The following NUDT7 variants were observed in gnomAD, a reference collection of about 807,000 sequenced individuals.
The protein encoded by NUDT7 is peroxisomal coenzyme A diphosphatase NUDT7.
In NUDT7, 19 loss-of-function variants were observed where a neutral mutation model predicts 13.1. The observed-to-expected ratio is 1.45, with a 90% confidence interval of 1.01 to 2.13. NUDT7 has a LOEUF of 2.13. Among genes scored for constraint, NUDT7 ranks in the 30% most tolerant of loss-of-function variants. The pLI, the probability that NUDT7 is intolerant of heterozygous loss-of-function variation, is 0.00. For synonymous variants in NUDT7, 132 were observed against 109.7 expected (o/e 1.20, Z -1.27); for missense variants, 360 against 291.7 (o/e 1.23, Z -1.71).
intron 1 of NUDT7, 71 bp downstream of exon 1, chr16:77,722,688 G>T: frequency 6.9e-7 from 1 of 1,454,368 alleles, no homozygotes; most frequent in Non-Finnish European, 9.4e-7. Flanking sequence ...GAGGCCACCG[G>T]GGCCTTTTGG....
chr16:77,739,549 G>T (rs2014592917), intron 3 of NUDT7, among the ~76,000 whole-genome samples: 1 of 152,122 alleles, frequency 6.6e-6, no homozygotes, highest in Admixed American at 6.5e-5. Context: ...TCTTGGTTTT[G>T]GTGCGTTTTG....
At chr16:77,735,530 C>A in intron 2 of NUDT7, 1 of 555,304 alleles carries the variant, frequency 1.8e-6, no homozygotes, top group Non-Finnish European at 3.2e-6. Flanking sequence ...AACCTCTTTT[C>A]TTTATAAACT....
chr16:77,724,601 T>C (rs2014069550), intron 1 of NUDT7, among the ~76,000 whole-genome samples: 1 of 152,246 alleles, frequency 6.6e-6, no homozygotes, highest in African/African-American at 2.4e-5. Context: ...ACAACAGTCA[T>C]TGGATTTAGA....
At chr16:77,736,669 T>G (rs1384709482) in intron 3 of NUDT7, 1 of 289,392 alleles carries the variant, frequency 3.5e-6, no homozygotes, top group African/African-American at 2.2e-5. Context: ...TCTCGCTATG[T>G]TGATGAGGCT....
chr16:77,740,999 T>C (rs375920788), intron 3 of NUDT7, among the ~76,000 whole-genome samples: 129 of 152,336 alleles, frequency 8.5e-4, no homozygotes, highest in African/African-American at 2.9e-3. Flanking sequence ...AATTTTTCCA[T>C]AAATGGGAAT....
In NUDT7 at chr16:77,741,648, G is replaced by T; in HGVS notation, c.415G>T (p.Ala139Ser). Reference protein sequence around the residue: ...DHNFQAQPNPAEVKDVFLVPL... With the variant: ...DHNFQAQPNPSEVKDVFLVPL... ...CAACTTCCAGGCCCAGCCGAATCCTGCTGAAGTTAAGGATGTATTCCTGGT... is the reference window on the plus strand; with the variant it reads ...CAACTTCCAGGCCCAGCCGAATCCTTCTGAAGTTAAGGATGTATTCCTGGT... Residue 139 changes from alanine to serine, a missense_variant, in exon 4 of 4, where the codon GCT becomes TCT. Physicochemically the swap from Ala to Ser is moderately conservative, Grantham distance 99. Transcript: ENST00000268533. 6.2e-7 allele frequency: 1 copy of T among 1,614,028 alleles called. No individual in the cohort carries two copies. The highest frequency in any genetic ancestry group is 2.2e-5 in the East Asian group (1 of 44,882).
At chr16:77,722,668 G>T in intron 1 of NUDT7, 51 bp downstream of exon 1, 1 of 1,537,258 alleles carries the variant, frequency 6.5e-7, no homozygotes, top group Middle Eastern at 1.8e-4. Context: ...GCCCGGCCTT[G>T]ATCGTAGCGG....
intron 2 of NUDT7, among the ~76,000 whole-genome samples, chr16:77,734,416 G>T (rs12932526): frequency 1.0e-3 from 158 of 152,272 alleles, no homozygotes; most frequent in Middle Eastern, 3.4e-3. Flanking sequence ...GAGGTCAGAA[G>T]ATCGAGACCA....
chr16:77,735,466 A>G (rs1250677238), intron 2 of NUDT7: 1 of 662,598 alleles, frequency 1.5e-6, no homozygotes. Flanking sequence ...CCAGAAGCCA[A>G]GCAGACGCCA....
At chr16:77,735,005 C>G (rs74026806) in intron 2 of NUDT7, among the ~76,000 whole-genome samples, 221 of 152,158 alleles carry the variant, frequency 1.5e-3, no homozygotes, top group African/African-American at 5.2e-3. Flanking sequence ...TCACCTCGTT[C>G]AAAAATTAGT....
intron 1 of NUDT7, among the ~76,000 whole-genome samples, chr16:77,725,003 G>C (rs2014084746): frequency 1.3e-5 from 2 of 152,104 alleles, no homozygotes; most frequent in Admixed American, 1.3e-4. Context: ...CTAAAGCTTG[G>C]GAACCACTAT....
chr16:77,728,069 G>T (rs2145107913), intron 2 of NUDT7, among the ~76,000 whole-genome samples: 1 of 151,940 alleles, frequency 6.6e-6, no homozygotes, highest in South Asian at 2.1e-4. Context: ...ACACTATCTG[G>T]CTGTAGGGGT....
intron 1 of NUDT7, among the ~76,000 whole-genome samples, chr16:77,724,950 G>A (rs1008283431): frequency 6.6e-6 from 1 of 152,136 alleles, no homozygotes; most frequent in Non-Finnish European, 1.5e-5. Context: ...ACTGAACCTC[G>A]CAGTCTATGT....
At chr16:77,737,539 G>A (rs1189600526) in intron 3 of NUDT7, 1 of 152,104 alleles carries the variant, frequency 6.6e-6, no homozygotes, top group Non-Finnish European at 1.5e-5. Flanking sequence ...GGGCTGGAGT[G>A]CAGTGGTGCA....
At chr16:77,729,228 T>C (rs1251190341) in intron 2 of NUDT7, among the ~76,000 whole-genome samples, 1 of 152,226 alleles carries the variant, frequency 6.6e-6, no homozygotes, top group Non-Finnish European at 1.5e-5. Flanking sequence ...TATTTTCTTT[T>C]TTAAAAACAA....
At chr16:77,722,911 C>A (rs2014005775) in intron 1 of NUDT7, among the ~76,000 whole-genome samples, 1 of 152,154 alleles carries the variant, frequency 6.6e-6, no homozygotes, top group Admixed American at 6.5e-5. Flanking sequence ...GACCCCAGGA[C>A]CCCCGACAGT....
At chr16:77,735,785 A>C (rs752826190) in intron 2 of NUDT7, 43 bp from the exon 3 acceptor site, 3 of 1,571,794 alleles carry the variant, frequency 1.9e-6, no homozygotes, top group Admixed American at 1.8e-5. Flanking sequence ...AATAGTTCCA[A>C]AATTAGAATC....
Position 77,741,609 on chromosome 16 carries a change from G to C in NUDT7, c.376G>C (p.Gly126Arg). Residue 126 changes from glycine (G) to arginine (R), a missense_variant, in exon 4 of 4, where the codon GGT becomes CGT. Physicochemically the swap from Gly to Arg is moderately radical, Grantham distance 125 (BLOSUM62 -2). Coordinates refer to ENST00000268533, the MANE Select transcript of NUDT7 (RefSeq NM_001105663.3). The part of the protein sequence containing the change: ...DTDTLITPFV[G>R]LIDHNFQAQP... ...AGATACATTGATAACTCCATTTGTG[G>C]GTTTAATAGACCACAACTTCCAGGC... The C allele has an allele frequency of 6.2e-7, 1 of 1,611,634 alleles. No homozygotes were observed. The highest frequency in any genetic ancestry group is 8.5e-7 in the Non-Finnish European group (1 of 1,179,570).
At chr16:77,723,776 GA>G (rs1350392088) in intron 1 of NUDT7, among the ~76,000 whole-genome samples, 2 of 151,912 alleles carry the variant, frequency 1.3e-5, no homozygotes, top group Non-Finnish European at 1.5e-5. Flanking sequence ...ATGTTTAGTA[GA>G]GGTGGGGTTT....
Sources: gnomAD v4.1 joint callset for allele counts (sites outside exome capture counted in the v4.1 genomes callset) on GRCh38, gnomAD v4.1.1 for gene constraint, MANE v1.5 for transcripts, NCBI Gene and HGNC (gene_info 2026-07-23, HGNC 2026-07-21) for gene names.